The following COBL variants were observed in gnomAD, a reference collection of about 807,000 sequenced individuals.
COBL encodes the protein cordon-bleu WH2 repeat protein.
In COBL, 51 loss-of-function variants were observed where a neutral mutation model predicts 98.8. That is an observed-to-expected ratio of 0.52 (90% confidence interval 0.41 to 0.65). The LOEUF (loss-of-function observed/expected upper bound fraction) is 0.65. Ranked by LOEUF, COBL falls within the 30% of genes least tolerant of loss-of-function variation. The pLI is 0.00. For synonymous variants in COBL, 634 were observed against 651.7 expected, an observed-to-expected ratio of 0.97 and a Z score of 0.41; for missense variants, 1,617 against 1,617.5, an observed-to-expected ratio of 1.00 and a Z score of 0.01.
intron 1 of COBL, among the ~76,000 whole-genome samples, chr7:51,308,197 G>T (rs1468074991): frequency 6.6e-6 from 1 of 152,130 alleles, no homozygotes; most frequent in Non-Finnish European, 1.5e-5. Flanking sequence ...AATTAAGAGG[G>T]TTCTAGCCAA....
chr7:51,244,431 G>T (rs1018856585), intron 1 of COBL, among the ~76,000 whole-genome samples: 2 of 152,218 alleles, frequency 1.3e-5, no homozygotes, highest in African/African-American at 2.4e-5. Flanking sequence ...TTGCCAGGCT[G>T]CTGTAATAGC....
chr7:51,158,034 GGGAA>G (rs1185136105), intron 5 of COBL, among the ~76,000 whole-genome samples: 1 of 152,148 alleles, frequency 6.6e-6, no homozygotes. Flanking sequence ...GCTGCCCCTG[GGGAA>G]GGAAGAAGAG....
At chr7:51,091,843 T>G (rs1469322055) in intron 6 of COBL, among the ~76,000 whole-genome samples, 1 of 152,054 alleles carries the variant, frequency 6.6e-6, no homozygotes, top group African/African-American at 2.4e-5. Flanking sequence ...CAGTAAAAAC[T>G]TTGCAAGCCA....
chr7:51,313,704 G>A (rs752683626), intron 1 of COBL, among the ~76,000 whole-genome samples: 1 of 152,140 alleles, frequency 6.6e-6, no homozygotes, highest in African/African-American at 2.4e-5. Flanking sequence ...ATTAACAGAG[G>A]GTCCAATGGG....
intron 5 of COBL, among the ~76,000 whole-genome samples, chr7:51,167,811 A>G (rs991132764): frequency 2.0e-5 from 3 of 152,228 alleles, no homozygotes. Context: ...TGCCAAGAAC[A>G]TACACTGGGG....
chr7:51,254,071 GT>G (rs35571345), intron 1 of COBL, among the ~76,000 whole-genome samples: 46 of 147,388 alleles, frequency 3.1e-4, no homozygotes, highest in Admixed American at 1.0e-3. Flanking sequence ...TTTTTGAGTT[GT>G]TTTTTTTTTG....
chr7:51,037,492 T>G (rs1562827710), intron 8 of COBL, among the ~76,000 whole-genome samples: 1 of 152,222 alleles, frequency 6.6e-6, no homozygotes, highest in Non-Finnish European at 1.5e-5. Flanking sequence ...TGGGGTCATA[T>G]GTAAGGGACA....
At chr7:51,150,428 C>T (rs917581554) in intron 5 of COBL, among the ~76,000 whole-genome samples, 1 of 152,210 alleles carries the variant, frequency 6.6e-6, no homozygotes, top group African/African-American at 2.4e-5. Context: ...ACCCCAGCAA[C>T]CTTCTCCATT....
At chr7:51,103,741 C>T (rs1354964038) in intron 6 of COBL, among the ~76,000 whole-genome samples, 2 of 152,214 alleles carry the variant, frequency 1.3e-5, no homozygotes, top group Admixed American at 6.5e-5. Flanking sequence ...AATATTACAA[C>T]TTTTGACATT....
At chr7:51,302,478 G>A (rs990521680) in intron 1 of COBL, among the ~76,000 whole-genome samples, 1 of 151,934 alleles carries the variant, frequency 6.6e-6, no homozygotes, top group African/African-American at 2.4e-5. Flanking sequence ...CTACTCAGGA[G>A]GCTGAGGCAG....
intron 6 of COBL, among the ~76,000 whole-genome samples, chr7:51,119,272 G>A (rs1350026936): frequency 6.6e-6 from 1 of 152,100 alleles, no homozygotes; most frequent in East Asian, 1.9e-4. Flanking sequence ...ATATCCTAGT[G>A]ATATATATGG....
chr7:51,270,051 A>G (rs1473076463), intron 1 of COBL, among the ~76,000 whole-genome samples: 2 of 152,314 alleles, frequency 1.3e-5, no homozygotes, highest in East Asian at 1.9e-4. Flanking sequence ...GCTGCGGCCT[A>G]TTTATATGCC....
At chr7:51,049,575 G>T (rs1452217070) in intron 7 of COBL, among the ~76,000 whole-genome samples, 1 of 152,130 alleles carries the variant, frequency 6.6e-6, no homozygotes, top group Non-Finnish European at 1.5e-5. Flanking sequence ...TGCGAAGGTG[G>T]GATTCATGGA....
At chr7:51,083,268 C>T in intron 7 of COBL, 3 of 1,424,930 alleles carry the variant, frequency 2.1e-6, no homozygotes, top group Non-Finnish European at 2.7e-6. Flanking sequence ...GCAGGTTAAA[C>T]CAAGCCGTCA....
chr7:51,259,700 C>G, intron 1 of COBL: 1 of 739,424 alleles, frequency 1.4e-6, no homozygotes, highest in Non-Finnish European at 2.5e-6. Context: ...GACCTTGGCT[C>G]ATCCACATTT....
intron 12 of COBL, among the ~76,000 whole-genome samples, chr7:51,019,610 G>C (rs1786720797): frequency 6.6e-6 from 1 of 152,190 alleles, no homozygotes; most frequent in Non-Finnish European, 1.5e-5. Context: ...CACTGTGGTA[G>C]GTGTGCTTCT....
At chr7:51,154,774 T>C (rs892531801) in intron 5 of COBL, among the ~76,000 whole-genome samples, 4 of 152,212 alleles carry the variant, frequency 2.6e-5, no homozygotes, top group Admixed American at 6.5e-5. Context: ...TGCATCAAAA[T>C]TGAGAGTTCT....
At chr7:51,155,007 T>C (rs1785977318) in intron 5 of COBL, among the ~76,000 whole-genome samples, 1 of 152,184 alleles carries the variant, frequency 6.6e-6, no homozygotes. Context: ...AGTTGAACAA[T>C]CAGAAATAAT....
chr7:51,301,362 C>A (rs1036795822), intron 1 of COBL, among the ~76,000 whole-genome samples: 1 of 152,212 alleles, frequency 6.6e-6, no homozygotes, highest in African/African-American at 2.4e-5. Flanking sequence ...AGCCTCACAG[C>A]CCGTGCTCTC....
Sources: allele counts gnomAD v4.1 joint callset (sites outside exome capture counted in the v4.1 genomes callset), GRCh38; gene constraint gnomAD v4.1.1; transcripts MANE v1.5; gene names NCBI Gene and HGNC (gene_info 2026-07-23, HGNC 2026-07-21).